The following NMNAT1 variants were observed in gnomAD, a reference collection of about 807,000 sequenced individuals.
The protein encoded by NMNAT1 is nicotinamide nucleotide adenylyltransferase 1.
NMNAT1 carries 11 observed loss-of-function variants against 16.7 expected under a neutral mutation model. The observed-to-expected ratio is 0.66, with a 90% CI of 0.41 to 1.09. The LOEUF is 1.09. Ranked by LOEUF, NMNAT1 falls within the 50% of genes least tolerant of loss-of-function variation. The pLI is 0.00. For missense variants in NMNAT1, 280 were observed against 332.3 expected (o/e 0.84, Z 1.22); for synonymous variants, 110 against 119.8 (o/e 0.92, Z 0.53).
At chr1:9,955,474 G>A (rs144766093) in intron 1 of NMNAT1, among the ~76,000 whole-genome samples, 1,971 of 150,086 alleles carry the variant, frequency 0.013, 34 homozygotes, top group African/African-American at 0.046. Context: ...GTGTGGTGGC[G>A]CATGCCTGTA....
rs1002364547 is a variant in NMNAT1 at position 9,961,831 on chromosome 1, G to T, written c.-56-10187G>T. Among the ~76,000 whole-genome samples the T allele has an allele frequency of 5.9e-5, 9 of 152,118 alleles. No individual in the cohort carries two copies. In the South Asian group the frequency reaches 1.7e-3, roughly 28 times the overall value. ...TTGTTGCCCAGGTTGGAGTGCAATG[G>T]CATGATCTCGGCTCGCCGCAACCTC... On this transcript the variant is annotated intron_variant, in intron 1 of 4. Coordinates refer to ENST00000377205, the MANE Select transcript of NMNAT1 (RefSeq NM_022787.4).
intron 1 of NMNAT1, among the ~76,000 whole-genome samples, chr1:9,967,612 C>A (rs1641577934): frequency 6.6e-6 from 1 of 151,850 alleles, no homozygotes; most frequent in Non-Finnish European, 1.5e-5. Flanking sequence ...GGGAAAAAAA[C>A]AGATTGAATA....
intron 1 of NMNAT1, among the ~76,000 whole-genome samples, chr1:9,962,588 G>A (rs1348850330): frequency 6.6e-6 from 1 of 151,080 alleles, no homozygotes; most frequent in Non-Finnish European, 1.5e-5. Flanking sequence ...AAGTAACTGA[G>A]ATTGGCCTTC....
intron 3 of NMNAT1, among the ~76,000 whole-genome samples, chr1:9,978,854 T>G (rs551812593): frequency 6.6e-6 from 1 of 152,322 alleles, no homozygotes; most frequent in East Asian, 1.9e-4. Context: ...ACACAAATCC[T>G]GCTTAGGGCC....
intron 1 of NMNAT1, among the ~76,000 whole-genome samples, chr1:9,970,039 A>T (rs1641652586): frequency 1.3e-5 from 2 of 152,238 alleles, no homozygotes; most frequent in Admixed American, 1.3e-4. Context: ...TTTGGATTTC[A>T]TGCTATTAAC....
intron 1 of NMNAT1, among the ~76,000 whole-genome samples, chr1:9,962,683 T>G (rs1335248740): frequency 7.9e-6 from 1 of 127,242 alleles, no homozygotes; most frequent in South Asian, 2.8e-4. Context: ...AAGGGTTTTT[T>G]TTTTTTTTTT....
chr1:9,959,297 G>T (rs574657023), intron 1 of NMNAT1, among the ~76,000 whole-genome samples: 122 of 147,006 alleles, frequency 8.3e-4, no homozygotes, highest in African/African-American at 2.9e-3. Context: ...GCTTGAACCC[G>T]GGAGGCAGAG....
intron 1 of NMNAT1, among the ~76,000 whole-genome samples, chr1:9,961,524 T>A (rs1022039321): frequency 1.3e-5 from 2 of 152,086 alleles, no homozygotes; most frequent in African/African-American, 4.8e-5. Flanking sequence ...ATAATACCAC[T>A]GGTAGTTTTT....
In NMNAT1 at chr1:9,982,432, A is replaced by AATG; in HGVS notation, c.575_577dup (p.Asp192dup). On this transcript the variant is annotated inframe_insertion, in exon 5 of 5. Coordinates refer to ENST00000377205, the MANE Select transcript of NMNAT1 (RefSeq NM_022787.4). ...GCTCATATGTGTTACTCGGGCTGGA[A>AATG]ATGATGCTCAGAAGTTTATCTATGA... 6.2e-7 allele frequency: 1 copy of AATG among 1,614,180 alleles called. No homozygotes were observed.
chr1:9,979,220 C>T (rs1320700345), intron 3 of NMNAT1, among the ~76,000 whole-genome samples: 1 of 152,144 alleles, frequency 6.6e-6, no homozygotes, highest in African/African-American at 2.4e-5. Context: ...ATAGTCCCAG[C>T]ACTTTGGGAG....
At chr1:9,951,047 C>T (rs140199878) in intron 1 of NMNAT1, among the ~76,000 whole-genome samples, 1,959 of 151,644 alleles carry the variant, frequency 0.013, 33 homozygotes, top group African/African-American at 0.045. Flanking sequence ...CAAGATCACG[C>T]CACTGCACTC....
chr1:9,975,374 G>A (rs147266679), intron 2 of NMNAT1, among the ~76,000 whole-genome samples: 15 of 151,982 alleles, frequency 9.9e-5, no homozygotes, highest in African/African-American at 3.6e-4. Flanking sequence ...GGTGGCATGC[G>A]CCCGTAATCC....
downstream of NMNAT1, among the ~76,000 whole-genome samples, chr1:9,988,104 TCTC>T (rs1642067282): frequency 1.3e-5 from 2 of 151,936 alleles, no homozygotes; most frequent in Admixed American, 1.3e-4. Flanking sequence ...TTCAAGAAAT[TCTC>T]CTGCCTCAGC....
chr1:9,976,487 A>T lies in NMNAT1; in HGVS notation c.299+712A>T, dbSNP rs879512919. ...GAAGAGAAGCATCCAGTGCTGCTTG[A>T]TCATGGACAGGCCTGATTCGTGTGC... On this transcript the variant is annotated intron_variant, in intron 3 of 4. Transcript: ENST00000377205. 7.9e-3 allele frequency among the ~76,000 whole-genome samples: 1,196 copies of T among 152,184 alleles called. 30 individuals carry two copies. In the East Asian group the frequency reaches 0.099, roughly 13 times the overall value.
rs1361809222 is a variant in NMNAT1, at chr1:9,982,890, G to A, written c.*189G>A. On this transcript the variant is annotated 3_prime_UTR_variant, in exon 5 of 5. Transcript: ENST00000377205. ...TGGGAGGCTGAGGCAGGTGGATCAC[G>A]GGGTCAAGAGATCGAGACCATCCTG... is the stretch of plus-strand genomic sequence containing the variant. 3.4e-5 allele frequency: 18 copies of A among 526,862 alleles called. No homozygotes were observed. The highest frequency in any genetic ancestry group is 1.3e-4 in the South Asian group (6 of 45,826). 32.6% of individuals were successfully genotyped at this position (526,862 alleles called of 1,614,324 possible).
intron 2 of NMNAT1, among the ~76,000 whole-genome samples, chr1:9,973,908 G>A (rs1641746815): frequency 6.6e-6 from 1 of 150,404 alleles, no homozygotes; most frequent in Non-Finnish European, 1.5e-5. Flanking sequence ...CACAGTCTTG[G>A]CTCACTGCAA....
At chr1:9,950,382 C>T (rs1054781595) in intron 1 of NMNAT1, among the ~76,000 whole-genome samples, 8 of 152,130 alleles carry the variant, frequency 5.3e-5, no homozygotes, top group Non-Finnish European at 1.2e-4. Flanking sequence ...TGAACCACCA[C>T]GCCTGGCATA....
Position 9,984,616 on chromosome 1 carries a change from C to A in NMNAT1, c.*1915C>A, listed in dbSNP as rs1048530792. 5.9e-5 allele frequency: 9 copies of A among 152,076 alleles called. No homozygotes were observed. The highest frequency in any genetic ancestry group is 2.2e-4 in the African/African-American group (9 of 41,420). The allele number at this position is 152,076 out of a possible 1,614,324, so 9.4% of individuals were successfully genotyped here. On this transcript the variant is annotated 3_prime_UTR_variant, in exon 5 of 5. Coordinates refer to ENST00000377205, the MANE Select transcript of NMNAT1 (RefSeq NM_022787.4). ...CCTCCTGCATCATTTCCATAATTTG[C>A]TTTTGTACTGTCAATTTAGAGGAAA...
At position 9,984,461 on chromosome 1, in the gene NMNAT1, C is replaced by T. The variant is rs927743669; in HGVS notation, c.*1760C>T. On this transcript the variant is annotated 3_prime_UTR_variant, in exon 5 of 5. Coordinates refer to ENST00000377205, the MANE Select transcript of NMNAT1 (RefSeq NM_022787.4). ...GCCGAGGATGCTGTTGATGCTGCCA[C>T]GTAATAGCATAATTTTGGGTGTCCT... 1.1e-4 allele frequency: 16 copies of T among 152,104 alleles called. No individual in the cohort carries two copies. Among genetic ancestry groups the T allele is most frequent in the African/African-American group, 3.4e-4 (14 of 41,410 alleles). 9.4% of individuals were successfully genotyped at this position (152,104 alleles called of 1,614,324 possible).
Sources: gnomAD v4.1 joint callset for allele counts (sites outside exome capture counted in the v4.1 genomes callset) on GRCh38, gnomAD v4.1.1 for gene constraint, MANE v1.5 for transcripts, NCBI Gene and HGNC (gene_info 2026-07-23, HGNC 2026-07-21) for gene names.